PAH: variants seen among roughly 807,000 people sequenced by gnomAD.
The protein encoded by PAH is phenylalanine hydroxylase.
PAH carries 64 observed loss-of-function variants against 62.0 expected under a neutral mutation model. The observed-to-expected ratio is 1.03, with a 90% CI of 0.84 to 1.27. The LOEUF (loss-of-function observed/expected upper bound fraction) is 1.27, where lower values mean the gene tolerates loss of function less well. Ranked by LOEUF, PAH falls within the 50% of genes most tolerant of loss-of-function variation. The pLI is 0.00. For missense variants in PAH, 579 were observed against 542.8 expected (o/e 1.07, Z -0.66); for synonymous variants, 195 against 196.2 (o/e 0.99, Z 0.05).
rs543222414 is a variant in PAH, at chr12:102,868,028, A to G, written c.442-1365T>C. Among the ~76,000 whole-genome samples, 53 of 138,398 alleles carry G rather than the reference A, an allele frequency of 3.8e-4. 1 individual carries two copies. Among genetic ancestry groups the G allele is most frequent in the African/African-American group, 1.3e-3 (49 of 38,144 alleles). 90.8% of individuals were successfully genotyped at this position (138,398 alleles called of 152,430 possible). ...TGTATATACATATATACATATATAC[A>G]TGTATATACACCTATATATATGTAT... On this transcript the variant is annotated intron_variant, in intron 4 of 12. Coordinates refer to ENST00000553106, the MANE Select transcript of PAH (RefSeq NM_000277.3).
At chr12:102,871,907 A>T (rs1876332826) in intron 4 of PAH, among the ~76,000 whole-genome samples, 1 of 140,312 alleles carries the variant, frequency 7.1e-6, no homozygotes. Flanking sequence ...GGGTGACAAG[A>T]GCAAAACTCT....
chr12:102,877,419 G>C (rs1475174584), intron 4 of PAH, 43 bp downstream of exon 4: 1 of 1,334,628 alleles, frequency 7.5e-7, no homozygotes, highest in South Asian at 1.2e-5. Flanking sequence ...GGGAGTGGAG[G>C]AGAGGCACTG....
chr12:102,847,015 T>A, intron 8 of PAH, 64 bp from the exon 9 acceptor site: 2 of 1,387,742 alleles, frequency 1.4e-6, no homozygotes, highest in South Asian at 1.2e-5. Flanking sequence ...ACCAACCTAG[T>A]ACTTGGCCAT....
chr12:102,902,125 G>A (rs1346888150), intron 2 of PAH, among the ~76,000 whole-genome samples: 2 of 152,208 alleles, frequency 1.3e-5, no homozygotes, highest in East Asian at 1.9e-4. Flanking sequence ...TAACCTTTAA[G>A]CATGAACCTG....
chr12:102,902,688 A>G (rs79686028), intron 2 of PAH, among the ~76,000 whole-genome samples: 3,608 of 152,302 alleles, frequency 0.024, 135 homozygotes, highest in African/African-American at 0.08. Context: ...CAGCACAATT[A>G]AATTCTACAG....
In PAH at chr12:102,843,646, CT is replaced by C. The variant is rs199475590; in HGVS notation, c.1198del (p.Arg400GlyfsTer52). On this transcript the variant is annotated frameshift_variant and splice_region_variant, in exon 11 of 13. Transcript: ENST00000553106. LOFTEE classifies it high-confidence loss of function. ...TGGCTCACCTTTGTCACCACCTCAC[CT>C]TACTTTCTCCTTGGCATCATTAAAA... ...ESFNDAKEKV[R>X]NFAATIPRPF... 16 of 1,613,520 alleles carry C rather than the reference CT, an allele frequency of 9.9e-6. No individual in the cohort carries two copies. Among genetic ancestry groups the C allele is most frequent in the Non-Finnish European group, 1.4e-5 (16 of 1,179,784 alleles).
intron 1 of PAH, among the ~76,000 whole-genome samples, chr12:102,926,460 T>C (rs1014387163): frequency 3.4e-4 from 51 of 151,876 alleles, no homozygotes; most frequent in African/African-American, 1.1e-3. Context: ...GTAAGCTGAG[T>C]CTGGAGAAGT....
At chr12:102,946,352 G>A (rs1450244444) in intron 1 of PAH, among the ~76,000 whole-genome samples, 1 of 152,236 alleles carries the variant, frequency 6.6e-6, no homozygotes, top group East Asian at 1.9e-4. Context: ...TGCAGTCTTT[G>A]TGGCCTAGAC....
intron 2 of PAH, among the ~76,000 whole-genome samples, chr12:102,911,960 G>C (rs1878217587): frequency 6.6e-6 from 1 of 152,244 alleles, no homozygotes; most frequent in Non-Finnish European, 1.5e-5. Context: ...TACTCGGAAG[G>C]AATCTGGCTG....
At position 102,851,123 on chromosome 12, in the gene PAH, AG is replaced by A. The variant is rs200861150; in HGVS notation, c.912+563del. The stretch of plus-strand genomic sequence containing the variant: ...AAAAAAGAAAGAAAAAGAAAAAGAA[AG>A]CTTTTTTTTGAGCTTGTTAACCACT... On this transcript the variant is annotated intron_variant, in intron 8 of 12. Coordinates refer to ENST00000553106, the MANE Select transcript of PAH (RefSeq NM_000277.3). 4.9e-3 allele frequency among the ~76,000 whole-genome samples: 752 copies of A among 151,990 alleles called. 26 individuals carry two copies. The highest frequency in any genetic ancestry group is 1.5e-3 in the Non-Finnish European group (99 of 67,966).
At position 102,858,549 on chromosome 12, in the gene PAH, C is replaced by A. The variant is rs532326044; in HGVS notation, c.510-3217G>T. On this transcript the variant is annotated intron_variant, in intron 5 of 12. Coordinates refer to ENST00000553106, the MANE Select transcript of PAH (RefSeq NM_000277.3). Reference sequence around the variant, plus strand: ...TTCTTCTCACCACATTGCACTCATTCCAAAATTGACCACATAGTTGGAAGT... The same window carrying A: ...TTCTTCTCACCACATTGCACTCATTACAAAATTGACCACATAGTTGGAAGT... Among the ~76,000 whole-genome samples, 3 of 152,318 alleles carry A rather than the reference C, an allele frequency of 2.0e-5. No homozygotes were observed. The South Asian group carries it at 6.2e-4, about 32-fold the overall frequency.
At chr12:102,851,173 G>A (rs879211826) in intron 8 of PAH, among the ~76,000 whole-genome samples, 1 of 151,974 alleles carries the variant, frequency 6.6e-6, no homozygotes, top group African/African-American at 2.4e-5. Context: ...GAAATTCTAG[G>A]TTGCAGGGTT....
rs80324017 is a variant in PAH at position 102,846,888 on chromosome 12, G to A, written c.969+7C>T. 8.6e-5 allele frequency: 139 copies of A among 1,612,264 alleles called. No individual in the cohort carries two copies. In the African/African-American group the frequency reaches 1.7e-3, roughly 19 times the overall value. ...CCACCATCCACCCAGGGAGAGAAGG[G>A]ACTTACTGTGGCGAGCTTTTCAATG... On this transcript the variant is annotated splice_region_variant and intron_variant, in intron 9 of 12. Transcript: ENST00000553106.
upstream of PAH, among the ~76,000 whole-genome samples, chr12:102,918,149 G>C (rs963930592): frequency 2.0e-5 from 3 of 152,198 alleles, no homozygotes; most frequent in African/African-American, 7.2e-5. Flanking sequence ...GTCTATGAGT[G>C]AGCTGGTGGG....
intron 3 of PAH, among the ~76,000 whole-genome samples, chr12:102,878,496 G>A (rs1876673100): frequency 6.6e-6 from 1 of 152,076 alleles, no homozygotes; most frequent in African/African-American, 2.4e-5. Context: ...GTGGGTTACA[G>A]GAAACAAGAT....
chr12:102,926,995 C>A (rs540131196), intron 1 of PAH, among the ~76,000 whole-genome samples: 1 of 147,958 alleles, frequency 6.8e-6, no homozygotes, highest in South Asian at 2.2e-4. Flanking sequence ...TTTACCGCAA[C>A]CCCACTGACT....
chr12:102,876,727 C>T (rs1876579366), intron 4 of PAH, among the ~76,000 whole-genome samples: 1 of 152,166 alleles, frequency 6.6e-6, no homozygotes, highest in Admixed American at 6.5e-5. Flanking sequence ...GGCTGTTCCT[C>T]CCCAGACCCT....
chr12:102,929,660 T>C (rs1878791264), intron 1 of PAH, among the ~76,000 whole-genome samples: 1 of 152,070 alleles, frequency 6.6e-6, no homozygotes, highest in African/African-American at 2.4e-5. Context: ...ATGGAGGGTA[T>C]CGAAAGCAGC....
intron 5 of PAH, among the ~76,000 whole-genome samples, chr12:102,856,746 A>G (rs1204424289): frequency 6.6e-6 from 1 of 152,208 alleles, no homozygotes; most frequent in Non-Finnish European, 1.5e-5. Flanking sequence ...CCTCCAGCCA[A>G]CTCCAACAGA....
Sources: allele counts gnomAD v4.1 joint callset (sites outside exome capture counted in the v4.1 genomes callset), GRCh38; gene constraint gnomAD v4.1.1; transcripts MANE v1.5; gene names NCBI Gene and HGNC (gene_info 2026-07-23, HGNC 2026-07-21).